DISC1: variants seen among roughly 807,000 people sequenced by gnomAD.
The protein encoded by DISC1 is disrupted in schizophrenia 1 protein.
In DISC1, 57 loss-of-function variants were observed where a neutral mutation model predicts 84.5. The observed-to-expected ratio is 0.67, with a 90% confidence interval of 0.55 to 0.84. The LOEUF (loss-of-function observed/expected upper bound fraction) is 0.84. DISC1 is among the 40% of genes least tolerant of loss of function. The pLI is 0.00. For synonymous variants in DISC1, 411 were observed against 415.2 expected (o/e 0.99, Z 0.12); for missense variants, 1,000 against 1,057.8 (o/e 0.95, Z 0.76).
Position 231,767,092 on chromosome 1 carries a change from G to T in DISC1, c.1269-48G>T, listed in dbSNP as rs781047717. 19 of 1,603,572 alleles carry T rather than the reference G, an allele frequency of 1.2e-5. 1 individual carries two copies. Among genetic ancestry groups the T allele is most frequent in the Non-Finnish European group, 1.5e-5 (18 of 1,171,796 alleles). On this transcript the variant is annotated intron_variant, in intron 4 of 12. Coordinates refer to ENST00000439617, the MANE Select transcript of DISC1 (RefSeq NM_018662.3). ...CTCTTAAAATACTTGTCAACATGAG[G>T]ATTTCAGCTTCTGCATACCTGTACC...
chr1:231,860,020 A>C (rs1467839457), intron 9 of DISC1, among the ~76,000 whole-genome samples: 1 of 152,228 alleles, frequency 6.6e-6, no homozygotes, highest in Non-Finnish European at 1.5e-5. Context: ...GAAGGAGATT[A>C]AATGTAATGC....
chr1:231,809,869 TC>T (rs2080121640), intron 8 of DISC1, among the ~76,000 whole-genome samples: 1 of 152,226 alleles, frequency 6.6e-6, no homozygotes, highest in Non-Finnish European at 1.5e-5. Flanking sequence ...AATATCCTTT[TC>T]TTGCATAATT....
intron 6 of DISC1, among the ~76,000 whole-genome samples, chr1:231,775,058 C>T (rs1281012616): frequency 1.3e-5 from 2 of 152,254 alleles, no homozygotes; most frequent in East Asian, 3.9e-4. Context: ...ACAGGAAAAC[C>T]TTGAAGTCTT....
At chr1:231,901,678 T>A (rs553100064) in intron 9 of DISC1, among the ~76,000 whole-genome samples, 3 of 152,356 alleles carry the variant, frequency 2.0e-5, no homozygotes, top group African/African-American at 7.2e-5. Flanking sequence ...TGCCATCATC[T>A]TCTGATCCCA....
intron 1 of DISC1, among the ~76,000 whole-genome samples, chr1:231,627,872 G>A (rs540185225): frequency 6.6e-5 from 10 of 152,310 alleles, no homozygotes; most frequent in South Asian, 4.1e-4. Flanking sequence ...GGACAAATTT[G>A]AATTGGACAG....
intron 9 of DISC1, among the ~76,000 whole-genome samples, chr1:231,895,414 A>G (rs12036218): frequency 0.11 from 17,042 of 148,334 alleles, 1,152 homozygotes; most frequent in East Asian, 0.29. Context: ...TATCTCCCTC[A>G]TATATATGTG....
intron 10 of DISC1, among the ~76,000 whole-genome samples, chr1:231,998,143 A>G (rs1227622821): frequency 6.6e-6 from 1 of 152,258 alleles, no homozygotes; most frequent in Non-Finnish European, 1.5e-5. Context: ...TTGAATGCCA[A>G]GTGGATTCAG....
chr1:232,014,009 AG>A (rs35238628), intron 11 of DISC1, among the ~76,000 whole-genome samples: 61,174 of 151,914 alleles, frequency 0.4, 12,789 homozygotes, highest in African/African-American at 0.49. Flanking sequence ...CAAAGTACTC[AG>A]GCATACCAAA....
At chr1:232,016,280 A>AC (rs1668483654) in intron 11 of DISC1, among the ~76,000 whole-genome samples, 1 of 152,214 alleles carries the variant, frequency 6.6e-6, no homozygotes, top group African/African-American at 2.4e-5. Context: ...GTTTCCCTTT[A>AC]CAGTTCAATA....
rs16855899 is a variant in DISC1, at chr1:231,990,792, C to T, written c.2043-17993C>T. On this transcript the variant is annotated intron_variant, in intron 10 of 12. Transcript: ENST00000439617. ...TCTGCTCCTTTTTCAACATCAGAAA[C>T]AGAGGCTGACCATTGCTGGGACATT... 0.011 allele frequency among the ~76,000 whole-genome samples: 1,739 copies of T among 152,358 alleles called. 80 individuals carry two copies. The East Asian group carries it at 0.16, about 14-fold the overall frequency.
At chr1:231,681,544 G>A (rs2063695640) in intron 1 of DISC1, among the ~76,000 whole-genome samples, 1 of 152,050 alleles carries the variant, frequency 6.6e-6, no homozygotes, top group Non-Finnish European at 1.5e-5. Context: ...TCAGGTCCAG[G>A]TGCCTTTGCC....
intron 4 of DISC1, 65 bp downstream of exon 4, chr1:231,750,141 G>A: frequency 6.4e-7 from 1 of 1,569,684 alleles, no homozygotes; most frequent in Middle Eastern, 2.2e-4. Context: ...CTCCCACATA[G>A]TGAAGAGCTG....
At chr1:231,676,063 G>A (rs1027590220) in intron 1 of DISC1, among the ~76,000 whole-genome samples, 4 of 151,992 alleles carry the variant, frequency 2.6e-5, no homozygotes, top group Non-Finnish European at 5.9e-5. Flanking sequence ...TGGTCAGGCC[G>A]GTCTCAAACT....
At chr1:231,994,682 G>T (rs960621445) in intron 10 of DISC1, among the ~76,000 whole-genome samples, 3 of 152,142 alleles carry the variant, frequency 2.0e-5, no homozygotes, top group African/African-American at 7.2e-5. Flanking sequence ...CTGGGAGTGG[G>T]GATGGGGATG....
chr1:231,666,584 A>T (rs1215855054), intron 1 of DISC1, among the ~76,000 whole-genome samples: 1 of 152,204 alleles, frequency 6.6e-6, no homozygotes, highest in African/African-American at 2.4e-5. Flanking sequence ...GTATGATGCA[A>T]AATAAGCTGA....
In DISC1 at chr1:232,040,304, A is replaced by C. The variant is rs1670731829; in HGVS notation, c.*3473A>C. ...CCACCGCACCCGGCCAACTTTCTGAAATTTCAAAACTGAATTGATCCTTCT... is the reference window on the plus strand; with the variant it reads ...CCACCGCACCCGGCCAACTTTCTGACATTTCAAAACTGAATTGATCCTTCT... On this transcript the variant is annotated 3_prime_UTR_variant, in exon 13 of 13. Coordinates refer to ENST00000439617, the MANE Select transcript of DISC1 (RefSeq NM_018662.3). The C allele has an allele frequency of 6.6e-6, 1 of 152,096 alleles. No homozygotes were observed. Among genetic ancestry groups the C allele is most frequent in the Non-Finnish European group, 1.5e-5 (1 of 68,032 alleles). The allele number at this position is 152,096 out of a possible 1,614,324, so 9.4% of individuals were successfully genotyped here.
intron 9 of DISC1, among the ~76,000 whole-genome samples, chr1:231,885,804 G>A (rs2125991561): frequency 6.6e-6 from 1 of 152,330 alleles, no homozygotes; most frequent in East Asian, 1.9e-4. Flanking sequence ...AGAAAGAACT[G>A]TGTGGAGCTC....
At chr1:231,883,057 G>A (rs2086409297) in intron 9 of DISC1, among the ~76,000 whole-genome samples, 1 of 151,968 alleles carries the variant, frequency 6.6e-6, no homozygotes, top group African/African-American at 2.4e-5. Context: ...TTAGCACAGA[G>A]CGACAGATGC....
intron 6 of DISC1, among the ~76,000 whole-genome samples, chr1:231,789,668 T>A (rs1266726216): frequency 1.3e-5 from 2 of 152,180 alleles, no homozygotes; most frequent in African/African-American, 4.8e-5. Context: ...TGCCTGGCTG[T>A]CTCCTCCTGT....
Sources: allele counts gnomAD v4.1 joint callset (sites outside exome capture counted in the v4.1 genomes callset), GRCh38; gene constraint gnomAD v4.1.1; transcripts MANE v1.5; gene names NCBI Gene and HGNC (gene_info 2026-07-23, HGNC 2026-07-21).